GPC6: variants seen among roughly 807,000 people sequenced by gnomAD.
GPC6 encodes the protein glypican 6, also known as glypican-6.
A neutral mutation model predicts 55.2 loss-of-function variants in GPC6; 14 were observed. That is an observed-to-expected ratio of 0.25 (90% CI 0.17 to 0.40). The LOEUF is 0.40. Ranked by LOEUF, GPC6 falls within the 10% of genes least tolerant of loss-of-function variation. GPC6 has a pLI of 1.00. For missense variants in GPC6, 641 were observed against 708.5 expected (o/e 0.90, Z 1.08); for synonymous variants, 278 against 259.6 (o/e 1.07, Z -0.68).
At chr13:93,719,498 T>C (rs1340278805) in intron 2 of GPC6, among the ~76,000 whole-genome samples, 1 of 152,006 alleles carries the variant, frequency 6.6e-6, no homozygotes, top group Non-Finnish European at 1.5e-5. Flanking sequence ...GACAATGAGG[T>C]TTTCTAAATA....
chr13:94,100,375 G>A (rs192082069), intron 4 of GPC6, among the ~76,000 whole-genome samples: 19 of 152,100 alleles, frequency 1.2e-4, no homozygotes, highest in African/African-American at 4.6e-4. Flanking sequence ...CTCTAAAGGG[G>A]CAAACATACT....
intron 4 of GPC6, among the ~76,000 whole-genome samples, chr13:94,076,705 C>G (rs1471183322): frequency 1.1e-4 from 16 of 151,822 alleles, no homozygotes; most frequent in Admixed American, 1.1e-3. Context: ...TGTGAATGTC[C>G]AGTTTTCCCA....
At chr13:93,926,889 G>A (rs993828697) in intron 3 of GPC6, among the ~76,000 whole-genome samples, 9 of 152,116 alleles carry the variant, frequency 5.9e-5, no homozygotes, top group African/African-American at 2.2e-4. Context: ...ATGCGAACAT[G>A]TGTAGTTCCG....
At chr13:93,734,297 T>A (rs1211282441) in intron 2 of GPC6, among the ~76,000 whole-genome samples, 2 of 152,158 alleles carry the variant, frequency 1.3e-5, no homozygotes, top group Non-Finnish European at 2.9e-5. Flanking sequence ...GTTTGCAGAA[T>A]CTCACTAGTG....
intron 5 of GPC6, among the ~76,000 whole-genome samples, chr13:94,302,260 T>C (rs750199513): frequency 6.6e-6 from 1 of 152,198 alleles, no homozygotes; most frequent in African/African-American, 2.4e-5. Context: ...CTTTAGCAGA[T>C]TTGATGTCTG....
At chr13:93,601,763 T>C (rs895273596) in intron 2 of GPC6, among the ~76,000 whole-genome samples, 6 of 152,350 alleles carry the variant, frequency 3.9e-5, no homozygotes, top group Admixed American at 1.3e-4. Context: ...TGTACACATA[T>C]GTATCTGGCT....
intron 3 of GPC6, among the ~76,000 whole-genome samples, chr13:93,898,175 A>G (rs1876120647): frequency 6.6e-6 from 1 of 152,120 alleles, no homozygotes; most frequent in African/African-American, 2.4e-5. Context: ...GGTCATATTA[A>G]TGGTCCTAAT....
chr13:94,209,463 A>G (rs1237490422), intron 4 of GPC6, among the ~76,000 whole-genome samples: 5 of 152,224 alleles, frequency 3.3e-5, no homozygotes, highest in Non-Finnish European at 5.9e-5. Flanking sequence ...AAGTAAATCT[A>G]TATTTAGTCA....
chr13:94,060,742 T>C (rs1044890060), intron 4 of GPC6, among the ~76,000 whole-genome samples: 1 of 152,192 alleles, frequency 6.6e-6, no homozygotes, highest in Non-Finnish European at 1.5e-5. Flanking sequence ...AGTATAATCC[T>C]GCATTAATAT....
intron 3 of GPC6, among the ~76,000 whole-genome samples, chr13:93,984,121 T>C (rs948913787): frequency 6.6e-6 from 1 of 152,120 alleles, no homozygotes; most frequent in African/African-American, 2.4e-5. Flanking sequence ...AGCTCAAAAT[T>C]ATGCTGACCT....
chr13:93,228,194 C>T (rs910762163), intron 1 of GPC6, among the ~76,000 whole-genome samples: 1 of 152,152 alleles, frequency 6.6e-6, no homozygotes, highest in African/African-American at 2.4e-5. Flanking sequence ...GGACCCTCGC[C>T]GGGGACCTGG....
At chr13:93,807,339 G>A (rs541589773) in intron 2 of GPC6, among the ~76,000 whole-genome samples, 1 of 152,280 alleles carries the variant, frequency 6.6e-6, no homozygotes, top group East Asian at 1.9e-4. Flanking sequence ...GATCTCTTTT[G>A]GGTGTTAGAA....
intron 2 of GPC6, among the ~76,000 whole-genome samples, chr13:93,705,253 C>A (rs896307258): frequency 6.6e-6 from 1 of 151,786 alleles, no homozygotes; most frequent in Non-Finnish European, 1.5e-5. Flanking sequence ...GGTTTGGTCT[C>A]GATAAGTGCT....
At chr13:94,291,960 T>C (rs1001960954) in intron 5 of GPC6, among the ~76,000 whole-genome samples, 3 of 152,206 alleles carry the variant, frequency 2.0e-5, no homozygotes, top group Non-Finnish European at 2.9e-5. Context: ...TCATTTATTT[T>C]ATTAAAGCAG....
chr13:94,249,906 A>G (rs1421280797), intron 4 of GPC6, among the ~76,000 whole-genome samples: 2 of 152,182 alleles, frequency 1.3e-5, no homozygotes, highest in African/African-American at 4.8e-5. Context: ...AAGTTAGTAG[A>G]AAAGAGTGCA....
At chr13:93,293,604 G>C (rs2139083552) in intron 1 of GPC6, among the ~76,000 whole-genome samples, 1 of 152,254 alleles carries the variant, frequency 6.6e-6, no homozygotes, top group Admixed American at 6.5e-5. Flanking sequence ...TTTTCCCCTG[G>C]ATGGGTGATT....
intron 2 of GPC6, among the ~76,000 whole-genome samples, chr13:93,728,961 T>C (rs1387317434): frequency 6.6e-6 from 1 of 152,234 alleles, no homozygotes; most frequent in Non-Finnish European, 1.5e-5. Context: ...ATAATCAGTC[T>C]ACAACTAATG....
Position 93,243,090 on chromosome 13 carries a change from G to A in GPC6, c.160+15474G>A, listed in dbSNP as rs28502183. The stretch of plus-strand genomic sequence containing the variant: ...TCGAGAAGTCCCCAGATCGCAGCCC[G>A]CTCCAGTACTTGGGCTCATGGTGGC... On this transcript the variant is annotated intron_variant, in intron 1 of 8. Transcript: ENST00000377047. Among the ~76,000 whole-genome samples, 1,076 of 152,224 alleles carry A rather than the reference G, an allele frequency of 7.1e-3. 8 individuals carry two copies. Among genetic ancestry groups the A allele is most frequent in the African/African-American group, 0.024 (1,009 of 41,530 alleles).
At chr13:94,285,382 G>A (rs1892501013) in intron 4 of GPC6, among the ~76,000 whole-genome samples, 2 of 152,102 alleles carry the variant, frequency 1.3e-5, no homozygotes, top group Non-Finnish European at 2.9e-5. Flanking sequence ...CTAGTACCAT[G>A]GTCAGAGTTC....
Sources: allele counts gnomAD v4.1 joint callset (sites outside exome capture counted in the v4.1 genomes callset), GRCh38; gene constraint gnomAD v4.1.1; transcripts MANE v1.5; gene names NCBI Gene and HGNC (gene_info 2026-07-23, HGNC 2026-07-21).